The following ZNF423 variants were observed in gnomAD, a reference collection of about 807,000 sequenced individuals.
ZNF423 encodes Ebf-associated zinc finger protein.
ZNF423 carries 12 observed loss-of-function variants against 95.8 expected under a neutral mutation model. The observed-to-expected ratio is 0.13, with a 90% CI of 0.08 to 0.20. ZNF423 has a LOEUF of 0.20. Among genes scored for constraint, ZNF423 ranks in the 10% least tolerant of loss-of-function variants. The probability of loss-of-function intolerance (pLI) is 1.00; values close to 1 mark genes in which losing one functional copy is unlikely to be tolerated. For synonymous variants in ZNF423, 749 were observed against 711.9 expected, an observed-to-expected ratio of 1.05 and a Z score of -0.83; for missense variants, 1,316 against 1,737.1, an observed-to-expected ratio of 0.76 and a Z score of 4.31.
intron 2 of ZNF423, among the ~76,000 whole-genome samples, chr16:49,770,916 G>A (rs2034021237): frequency 6.6e-6 from 1 of 152,182 alleles, no homozygotes; most frequent in Non-Finnish European, 1.5e-5. Flanking sequence ...GGCAGCAGGA[G>A]GCCATGGCTT....
chr16:49,742,176 C>T lies in ZNF423; in HGVS notation c.101-11205G>A, dbSNP rs997954422. Among the ~76,000 whole-genome samples the T allele has an allele frequency of 7.2e-5, 11 of 152,136 alleles. 1 individual carries two copies. The highest frequency in any genetic ancestry group is 7.2e-4 in the Admixed American group (11 of 15,266). ...TTTTTATGGGTGTTCCATACATGCA[C>T]GAATGAATGACTCTACCCTCCCTGC... On this transcript the variant is annotated intron_variant, in intron 2 of 7. Transcript: ENST00000563137.
intron 4 of ZNF423, among the ~76,000 whole-genome samples, chr16:49,627,226 C>T (rs1330202131): frequency 6.8e-6 from 1 of 147,486 alleles, no homozygotes; most frequent in Non-Finnish European, 1.5e-5. Flanking sequence ...TCCACCCATC[C>T]ATCCATCCTC....
At chr16:49,793,694 A>G (rs1293043559) in intron 1 of ZNF423, among the ~76,000 whole-genome samples, 2 of 152,174 alleles carry the variant, frequency 1.3e-5, no homozygotes, top group African/African-American at 4.8e-5. Flanking sequence ...GTGTGCACAC[A>G]GAGAGGAGGC....
chr16:49,580,432 G>A (rs994782789), intron 5 of ZNF423, among the ~76,000 whole-genome samples: 1 of 152,184 alleles, frequency 6.6e-6, no homozygotes, highest in African/African-American at 2.4e-5. Flanking sequence ...CTACACAGAG[G>A]TGTGGAAAAT....
intron 2 of ZNF423, among the ~76,000 whole-genome samples, chr16:49,770,732 C>T (rs535195493): frequency 1.4e-4 from 22 of 152,270 alleles, no homozygotes; most frequent in Admixed American, 2.6e-4. Flanking sequence ...GGACAAAGTG[C>T]GGGCCTACAA....
At position 49,523,734 on chromosome 16, in the gene ZNF423, C is replaced by T. The variant is rs911470655; in HGVS notation, c.3739G>A (p.Val1247Ile). 14 of 1,613,014 alleles carry T rather than the reference C, an allele frequency of 8.7e-6. No individual in the cohort carries two copies. In the African/African-American group the frequency reaches 1.3e-4, roughly 15 times the overall value. Residue 1247 changes from valine (V) to isoleucine (I), a missense_variant, in exon 7 of 8, where the codon GTC becomes ATC. Val to Ile is a conservative substitution (Grantham distance 29, BLOSUM62 3). Around this residue, in one of 6 missense-constraint regions of ZNF423, gnomAD observed 75 missense variants for 163.5 expected, o/e 0.46. Coordinates refer to ENST00000563137, the MANE Select transcript of ZNF423 (RefSeq NM_001379286.1). ...TGCTGCTGCAACTTGTTGGCCTGGA[C>T]GAAGACTAGACACAGACACGGCTGT... ...FKCPVCFTVF[V>I]QANKLQQHIF...
chr16:49,835,588 C>G (rs1011114511), intron 1 of ZNF423, among the ~76,000 whole-genome samples: 1 of 152,218 alleles, frequency 6.6e-6, no homozygotes, highest in African/African-American at 2.4e-5. Context: ...AGCCTCCACC[C>G]CTGGCTGGGC....
chr16:49,526,162 G>A (rs563686270), intron 5 of ZNF423, among the ~76,000 whole-genome samples: 130 of 152,312 alleles, frequency 8.5e-4, no homozygotes, highest in Non-Finnish European at 1.1e-3. Context: ...AGTGAGGTCA[G>A]AGAGGCCACA....
rs1030522546 is a variant in ZNF423, at chr16:49,699,197, C to A, written c.301+31574G>T. On this transcript the variant is annotated intron_variant, in intron 3 of 7. Coordinates refer to ENST00000563137, the MANE Select transcript of ZNF423 (RefSeq NM_001379286.1). ...GGGGAGCTGGGCGAGGCGGCACTGA[C>A]GTCAGGGGGTAATTGGGTGTCTGAG... 7.9e-5 allele frequency among the ~76,000 whole-genome samples: 12 copies of A among 152,172 alleles called. No individual in the cohort carries two copies. The East Asian group carries it at 2.3e-3, about 29-fold the overall frequency.
intron 5 of ZNF423, among the ~76,000 whole-genome samples, chr16:49,592,014 G>T (rs544214425): frequency 3.9e-5 from 6 of 152,358 alleles, no homozygotes; most frequent in African/African-American, 1.4e-4. Context: ...TGCTGCTTAT[G>T]ACAAGTAAGC....
chr16:49,843,868 C>G (rs577932677), intron 1 of ZNF423, among the ~76,000 whole-genome samples: 47 of 152,048 alleles, frequency 3.1e-4, no homozygotes, highest in Non-Finnish European at 6.2e-4. Context: ...GGTCCCAAGG[C>G]CACTTAATGG....
At chr16:49,812,966 C>T (rs986111240) in intron 1 of ZNF423, among the ~76,000 whole-genome samples, 1 of 152,090 alleles carries the variant, frequency 6.6e-6, no homozygotes, top group African/African-American at 2.4e-5. Flanking sequence ...ATTAGCAATT[C>T]GTGTGTTTAA....
At chr16:49,857,332 A>G (rs1035044098), upstream of ZNF423, among the ~76,000 whole-genome samples, 4 of 141,650 alleles carry the variant, frequency 2.8e-5, no homozygotes, top group African/African-American at 1.0e-4. The surrounding 1 kb of genome is among the most constrained non-coding windows in gnomAD (Gnocchi z 6.2). Flanking sequence ...GGCGGCAGGC[A>G]CGGCGCGGGC....
At chr16:49,829,420 T>A (rs1340389877) in intron 1 of ZNF423, among the ~76,000 whole-genome samples, 2 of 152,198 alleles carry the variant, frequency 1.3e-5, no homozygotes, top group African/African-American at 4.8e-5. Flanking sequence ...ATCACACCAC[T>A]GCATTCCAGC....
At chr16:49,856,237 C>T (rs2035368578), upstream of ZNF423, 1 of 141,478 alleles carries the variant, frequency 7.1e-6, no homozygotes, top group African/African-American at 2.6e-5. Flanking sequence ...TCACCCTCCT[C>T]CTCCTTCTCC....
intron 5 of ZNF423, among the ~76,000 whole-genome samples, chr16:49,563,676 T>C (rs1970090088): frequency 6.6e-6 from 1 of 152,234 alleles, no homozygotes; most frequent in Non-Finnish European, 1.5e-5. Context: ...CCTCTAGGCC[T>C]GTCGGCACCA....
At chr16:49,795,016 C>T (rs1196974294) in intron 1 of ZNF423, among the ~76,000 whole-genome samples, 4 of 152,274 alleles carry the variant, frequency 2.6e-5, no homozygotes, top group Non-Finnish European at 2.9e-5. Flanking sequence ...GGATTACAGG[C>T]GCTTATCACC....
chr16:49,612,733 T>C (rs1370086830), intron 5 of ZNF423, among the ~76,000 whole-genome samples: 4 of 152,008 alleles, frequency 2.6e-5, no homozygotes, highest in African/African-American at 9.7e-5. Flanking sequence ...AAGAAATAAA[T>C]AAAACTGTCC....
chr16:49,708,336 C>G (rs1364797707), intron 3 of ZNF423: 1 of 152,032 alleles, frequency 6.6e-6, no homozygotes, highest in Non-Finnish European at 1.5e-5. Flanking sequence ...TACTCTGCCC[C>G]CCTGGCTAGA....
Sources: gnomAD v4.1 joint callset for allele counts (sites outside exome capture counted in the v4.1 genomes callset) on GRCh38, gnomAD v4.1.1 for gene constraint, gnomAD v4.1.1 regional missense constraint, Gnocchi (gnomAD v3.1) non-coding constraint, MANE v1.5 for transcripts, NCBI Gene and HGNC (gene_info 2026-07-23, HGNC 2026-07-21) for gene names.